TNKS1BP1: variants seen among roughly 807,000 people sequenced by gnomAD.
TNKS1BP1 encodes the protein CCR4-NOT transcription complex subunit 12.
A neutral mutation model predicts 141.1 loss-of-function variants in TNKS1BP1; 48 were observed. The observed-to-expected ratio is 0.34, with a 90% confidence interval of 0.27 to 0.43. The LOEUF (loss-of-function observed/expected upper bound fraction) is 0.43, where lower values mean the gene tolerates loss of function less well. Among genes scored for constraint, TNKS1BP1 ranks in the 20% least tolerant of loss-of-function variants. The pLI, the probability that TNKS1BP1 is intolerant of heterozygous loss-of-function variation, is 1.00. For synonymous variants in TNKS1BP1, 875 were observed against 898.2 expected, an observed-to-expected ratio of 0.97 and a Z score of 0.46; for missense variants, 2,149 against 2,226.0, an observed-to-expected ratio of 0.97 and a Z score of 0.70.
chr11:57,313,389 G>C lies in TNKS1BP1; in HGVS notation c.1299C>G (p.Leu433=), dbSNP rs758485686. ...TCTCCTGGTCCTGACTGGGTGACTGGAGCACACCTTCAGAGAATCGGCGCT... is the reference window on the plus strand; with the variant it reads ...TCTCCTGGTCCTGACTGGGTGACTGCAGCACACCTTCAGAGAATCGGCGCT... ...LVQRRFSEGV[L]QSPSQDQEKL... The change falls in exon 5 of 12, where the codon CTC becomes CTG. Residue 433 remains leucine (L), a synonymous_variant. Transcript: ENST00000358252. 4 of 1,612,408 alleles carry C rather than the reference G, an allele frequency of 2.5e-6. No individual in the cohort carries two copies. The highest frequency in any genetic ancestry group is 4.5e-5 in the East Asian group (2 of 44,878).
rs1364439832 is a variant in TNKS1BP1 at position 57,320,181 on chromosome 11, C to G, written c.626G>C (p.Arg209Thr). The change falls in exon 3 of 12, where the codon AGG becomes ACG. Residue 209 changes from arginine to threonine, a missense_variant. Arg to Thr is a moderately conservative substitution (Grantham distance 71). Coordinates refer to ENST00000358252, the MANE Select transcript of TNKS1BP1 (RefSeq NM_033396.3). ...PRTYGTTTAPRDEDGSTLFRG... is the reference protein window; with the variant it reads ...PRTYGTTTAPTDEDGSTLFRG... ...GAAGAGGGTGCTGCCATCCTCATCCCTGGGAGCAGTGGTCGTGCCATAGGT... is the reference window on the plus strand; with the variant it reads ...GAAGAGGGTGCTGCCATCCTCATCCGTGGGAGCAGTGGTCGTGCCATAGGT... The G allele has an allele frequency of 1.5e-5, 24 of 1,614,086 alleles. No individual in the cohort carries two copies. In the Admixed American group the frequency reaches 3.5e-4, roughly 24 times the overall value.
In TNKS1BP1 at chr11:57,313,191, G is replaced by T. The variant is rs778587328; in HGVS notation, c.1497C>A (p.Pro499=). The T allele has an allele frequency of 6.2e-7, 1 of 1,612,576 alleles. No homozygotes were observed. The highest frequency in any genetic ancestry group is 8.5e-7 in the Non-Finnish European group (1 of 1,179,926). The change falls in exon 5 of 12, where the codon CCC becomes CCA. Residue 499 remains proline, a synonymous_variant. Coordinates refer to ENST00000358252, the MANE Select transcript of TNKS1BP1 (RefSeq NM_033396.3). The part of the protein sequence containing the change: ...VWRLDSPPPS[P]ITEASEAAEA... ...CGGCGGCCTCACTGGCTTCAGTGAT[G>T]GGGGAGGGAGGCGGGGAGTCCAGCC...
rs531463847 is a variant in TNKS1BP1, at chr11:57,313,949, C to G, written c.799-60G>C. On this transcript the variant is annotated intron_variant, in intron 4 of 11. Transcript: ENST00000358252. ...ACCTCTCAGCGGGGCGGGGAGGGTC[C>G]CCTCCGACCCCACACAGACCCCAGG... 12 of 1,413,318 alleles carry G rather than the reference C, an allele frequency of 8.5e-6. No homozygotes were observed. The South Asian group carries it at 1.7e-4, about 21-fold the overall frequency. 87.5% of individuals were successfully genotyped at this position (1,413,318 alleles called of 1,614,324 possible). A position where few individuals can be genotyped will look rare whatever the true frequency, so the allele number is the denominator to read the frequency against.
Position 57,320,720 on chromosome 11 carries a change from A to C in TNKS1BP1, c.95-8T>G, listed in dbSNP as rs761771129. On this transcript the variant is annotated splice_polypyrimidine_tract_variant and splice_region_variant and intron_variant, in intron 2 of 11. Transcript: ENST00000358252. The stretch of plus-strand genomic sequence containing the variant: ...GTTTGGCCCGAGTGTCACCTACCAA[A>C]AGGAAAGGGTTGGTGGGGGAGCTGT... The C allele has an allele frequency of 2.0e-5, 31 of 1,562,580 alleles. No individual in the cohort carries two copies. Among genetic ancestry groups the C allele is most frequent in the Non-Finnish European group, 6.1e-6 (7 of 1,154,368 alleles).
rs751775914 is a variant in TNKS1BP1 at position 57,313,536 on chromosome 11, A to AG, written c.1151dup (p.Ala385CysfsTer12). On this transcript the variant is annotated frameshift_variant, in exon 5 of 12. Transcript: ENST00000358252. LOFTEE classifies it high-confidence loss of function. The stretch of plus-strand genomic sequence containing the variant: ...CGATCAGGGGCCGGGGTGAGGTGGC[A>AG]GGGGGCTGATCCAGGCTATGGGGCT... 6.4e-7 allele frequency: 1 copy of AG among 1,572,512 alleles called. No individual in the cohort carries two copies.
chr11:57,322,418 T>G, intron 1 of TNKS1BP1: 5 of 611,008 alleles, frequency 8.2e-6, no homozygotes, highest in Non-Finnish European at 1.0e-5. Flanking sequence ...CTCACCCTCC[T>G]TCCCTCTCTC....
At chr11:57,322,259 T>G (rs548020829) in intron 1 of TNKS1BP1, 829 of 1,046,514 alleles carry the variant, frequency 7.9e-4, no homozygotes, top group Non-Finnish European at 9.2e-4. Flanking sequence ...GCCCCTTGGG[T>G]AGGACGGCCC....
At chr11:57,318,843 G>T (rs2134371758) in intron 3 of TNKS1BP1, among the ~76,000 whole-genome samples, 1 of 152,346 alleles carries the variant, frequency 6.6e-6, no homozygotes, top group South Asian at 2.1e-4. Flanking sequence ...AGCTGGCCTG[G>T]CATCAAGATG....
intron 6 of TNKS1BP1, 54 bp downstream of exon 6, chr11:57,308,341 T>G: frequency 6.5e-7 from 1 of 1,539,560 alleles, no homozygotes; most frequent in Non-Finnish European, 8.8e-7. Flanking sequence ...TCCGATTTCT[T>G]GGACAGCCTT....
rs773635142 is a variant in TNKS1BP1 at position 57,313,052 on chromosome 11, C to G, written c.1636G>C (p.Asp546His). 4 of 1,613,838 alleles carry G rather than the reference C, an allele frequency of 2.5e-6. No homozygotes were observed. In the South Asian group the frequency reaches 4.4e-5, roughly 18 times the overall value. The stretch of plus-strand genomic sequence containing the variant: ...TGGGTGAGGGACATGCTTGGATCAT[C>G]CCCCTGCACCCAGGAACTTCCTGAC... ...SGSGSSWVQG[D>H]DPSMSLTQKG... Residue 546 changes from aspartate (D) to histidine (H), a missense_variant, in exon 5 of 12, where the codon GAT becomes CAT. By Grantham distance (81) the Asp-to-His change is moderately conservative. Transcript: ENST00000358252.
intron 4 of TNKS1BP1, among the ~76,000 whole-genome samples, chr11:57,316,420 G>C (rs1006841578): frequency 6.6e-6 from 1 of 151,976 alleles, no homozygotes; most frequent in African/African-American, 2.4e-5. Flanking sequence ...GGCCAGACTC[G>C]ACTACCCAAC....
Position 57,320,486 on chromosome 11 carries a change from G to A in TNKS1BP1, c.321C>T (p.Ala107=). ...CTTGGGTGGCTTCTCCTCCAGTGGA[G>A]GCCTCAACCGCAGGCCTTGGTGCAA... ...LPFAPRPAVE[A]STGGEATQET... is the part of the protein sequence containing the mutation. The change falls in exon 3 of 12, where the codon GCC becomes GCT. Residue 107 remains alanine (A), a synonymous_variant. Transcript: ENST00000358252. The A allele has an allele frequency of 6.2e-7, 1 of 1,608,850 alleles. No homozygotes were observed. The highest frequency in any genetic ancestry group is 8.5e-7 in the Non-Finnish European group (1 of 1,176,234).
intron 6 of TNKS1BP1, among the ~76,000 whole-genome samples, chr11:57,307,127 A>C (rs1855625539): frequency 6.6e-6 from 1 of 152,014 alleles, no homozygotes; most frequent in Non-Finnish European, 1.5e-5. Flanking sequence ...GGGGTGTGCA[A>C]AGTTCTATGA....
rs758774943 is a variant in TNKS1BP1 at position 57,312,556 on chromosome 11, T to C, written c.2132A>G (p.Gln711Arg). 2.7e-6 allele frequency: 4 copies of C among 1,501,216 alleles called. No individual in the cohort carries two copies. The highest frequency in any genetic ancestry group is 3.6e-6 in the Non-Finnish European group (4 of 1,124,408). The allele number at this position is 1,501,216 out of a possible 1,614,324, so 93.0% of individuals were successfully genotyped here. ...CACCTCAGAGCAGGTACTTGGGGAC[T>C]GTGTGTCCTTCAGCTCAGCTCCAGC... ...RGAGAELKDT[Q>R]SPSTCSEGLL... Residue 711 changes from glutamine (Q) to arginine (R), a missense_variant, in exon 5 of 12, where the codon CAG becomes CGG. Physicochemically the swap from Gln to Arg is conservative, Grantham distance 43. Transcript: ENST00000358252.
chr11:57,308,048 C>G (rs989819688), intron 6 of TNKS1BP1, among the ~76,000 whole-genome samples: 1 of 152,184 alleles, frequency 6.6e-6, no homozygotes, highest in South Asian at 2.1e-4. Flanking sequence ...GGCTGAGAGG[C>G]CTGGGGAACG....
At chr11:57,311,348 C>T in intron 5 of TNKS1BP1, 2 of 985,792 alleles carry the variant, frequency 2.0e-6, no homozygotes, top group Non-Finnish European at 2.4e-6. Context: ...GCCTCCCCAT[C>T]CCCAGGCTGG....
Position 57,302,442 on chromosome 11 carries a change from G to A in TNKS1BP1, c.4683+17C>T, listed in dbSNP as rs766150313. The A allele has an allele frequency of 8.2e-6, 13 of 1,576,150 alleles. No individual in the cohort carries two copies. The highest frequency in any genetic ancestry group is 1.0e-5 in the Non-Finnish European group (12 of 1,157,086). On this transcript the variant is annotated intron_variant, in intron 7 of 11. Coordinates refer to ENST00000358252, the MANE Select transcript of TNKS1BP1 (RefSeq NM_033396.3). The surrounding 1 kb of genome is among the most constrained non-coding windows in gnomAD (Gnocchi z 5.5). ...CGCCCTCACCCACCCACTGTCATGG[G>A]CTCACCCTCCACTGACCTCAATGAA...
intron 3 of TNKS1BP1, 61 bp downstream of exon 3, chr11:57,320,018 C>CCCCCCCCCCAGA: frequency 8.4e-7 from 1 of 1,185,434 alleles, no homozygotes; most frequent in Non-Finnish European, 1.2e-6. Flanking sequence ...CCAGCCCCCA[C>CCCCCCCCCCAGA]CCAATCCCAC....
In TNKS1BP1 at chr11:57,312,908, C is replaced by T. The variant is rs1565043248; in HGVS notation, c.1780G>A (p.Glu594Lys). The T allele has an allele frequency of 2.5e-6, 4 of 1,610,462 alleles. No individual in the cohort carries two copies. The South Asian group carries it at 4.4e-5, about 18-fold the overall frequency. The part of the protein sequence containing the change: ...QQAEERYESQ[E>K]PLAGQESPLP... Reference sequence around the variant, plus strand: ...GGGGACTCCTGTCCAGCCAAGGGCTCCTGCGACTCGTATCTCTCCTCTGCC... The same window carrying T: ...GGGGACTCCTGTCCAGCCAAGGGCTTCTGCGACTCGTATCTCTCCTCTGCC... Residue 594 changes from glutamate to lysine, a missense_variant, in exon 5 of 12, where the codon GAG becomes AAG. Transcript: ENST00000358252.
Sources: allele counts gnomAD v4.1 joint callset (sites outside exome capture counted in the v4.1 genomes callset), GRCh38; gene constraint gnomAD v4.1.1; non-coding constraint Gnocchi (gnomAD v3.1); transcripts MANE v1.5; gene names NCBI Gene and HGNC (gene_info 2026-07-23, HGNC 2026-07-21).